NRXN1: variants seen among roughly 807,000 people sequenced by gnomAD.
NRXN1 encodes neurexin-1.
A neutral mutation model predicts 150.9 loss-of-function variants in NRXN1; 39 were observed. That is an observed-to-expected ratio of 0.26 (90% CI 0.20 to 0.34). The LOEUF (loss-of-function observed/expected upper bound fraction) is 0.34, where lower values mean the gene tolerates loss of function less well. Ranked by LOEUF, NRXN1 falls within the 10% of genes least tolerant of loss-of-function variation. The probability of loss-of-function intolerance (pLI) is 1.00; values close to 1 mark genes in which losing one functional copy is unlikely to be tolerated. For synonymous variants in NRXN1, 924 were observed against 757.0 expected (o/e 1.22, Z -3.62); for missense variants, 1,815 against 1,949.9 (o/e 0.93, Z 1.30).
intron 5 of NRXN1, among the ~76,000 whole-genome samples, chr2:50,783,088 A>C (rs2105530551): frequency 6.6e-6 from 1 of 152,272 alleles, no homozygotes; most frequent in East Asian, 1.9e-4. Context: ...AATTTTGGAA[A>C]AGTTATGTAA....
intron 5 of NRXN1, among the ~76,000 whole-genome samples, chr2:50,660,656 T>G (rs1489696755): frequency 6.6e-6 from 1 of 152,066 alleles, no homozygotes; most frequent in Non-Finnish European, 1.5e-5. Flanking sequence ...CAAGACCGAC[T>G]GCTGGTTTAC....
At chr2:49,988,449 A>G (rs1681321317) in intron 21 of NRXN1, among the ~76,000 whole-genome samples, 1 of 152,130 alleles carries the variant, frequency 6.6e-6, no homozygotes, top group South Asian at 2.1e-4. Context: ...CATGAGTCAT[A>G]GGACAGCAGA....
chr2:49,954,595 GAGAA>G (rs1395208812), intron 21 of NRXN1, among the ~76,000 whole-genome samples: 1 of 152,154 alleles, frequency 6.6e-6, no homozygotes, highest in Non-Finnish European at 1.5e-5. Flanking sequence ...GAGAGGGAGA[GAGAA>G]AGACTGAATC....
chr2:50,140,908 A>G lies in NRXN1; in HGVS notation c.3547-49414T>C, dbSNP rs549211994. ...TATATATGTGTTCGTGTGTGTGTGT[A>G]TATATATATATAAAACAACTACAAA... On this transcript the variant is annotated intron_variant, in intron 18 of 22. Coordinates refer to ENST00000401669, the MANE Select transcript of NRXN1 (RefSeq NM_001330078.2). Among the ~76,000 whole-genome samples, 197 of 151,226 alleles carry G rather than the reference A, an allele frequency of 1.3e-3. 1 individual carries two copies. Among genetic ancestry groups the G allele is most frequent in the African/African-American group, 4.2e-3 (174 of 41,304 alleles).
At chr2:50,516,047 T>C in intron 12 of NRXN1, among the ~76,000 whole-genome samples, 1 of 152,218 alleles carries the variant, frequency 6.6e-6, no homozygotes, top group East Asian at 1.9e-4. Flanking sequence ...TTCTCAATTT[T>C]TAGGTATTGA....
intron 17 of NRXN1, among the ~76,000 whole-genome samples, chr2:50,349,267 G>A (rs752004936): frequency 6.6e-6 from 1 of 152,168 alleles, no homozygotes; most frequent in Non-Finnish European, 1.5e-5. Flanking sequence ...ACCTTCCACA[G>A]CTGCTCGAAG....
intron 5 of NRXN1, among the ~76,000 whole-genome samples, chr2:50,801,364 G>A (rs1301518441): frequency 2.0e-5 from 3 of 152,074 alleles, no homozygotes; most frequent in African/African-American, 7.2e-5. Context: ...ATGTCAATCT[G>A]CAATATGTAT....
chr2:50,074,763 C>T (rs546831630), intron 19 of NRXN1, among the ~76,000 whole-genome samples: 31 of 152,190 alleles, frequency 2.0e-4, no homozygotes, highest in Non-Finnish European at 4.3e-4. Context: ...TATAAAACTA[C>T]TCTTGTTCAT....
Position 50,266,556 on chromosome 2 carries a change from CACACACACACACACACAT to C in NRXN1, c.3365-29604_3365-29587del, listed in dbSNP as rs879594530. On this transcript the variant is annotated intron_variant, in intron 17 of 22. Transcript: ENST00000401669. ...ATAAATACACACACACACACACACA[CACACACACACACACACAT>C]ATTTTCTTTCTAGAAGAACTAAGGT... Among the ~76,000 whole-genome samples, 24 of 52,496 alleles carry C rather than the reference CACACACACACACACACAT, an allele frequency of 4.6e-4. 1 individual carries two copies. Among genetic ancestry groups the C allele is most frequent in the South Asian group, 1.0e-3 (2 of 1,970 alleles). 34.4% of individuals were successfully genotyped at this position (52,496 alleles called of 152,430 possible).
At chr2:50,271,053 T>C (rs748595687) in intron 17 of NRXN1, among the ~76,000 whole-genome samples, 1 of 152,150 alleles carries the variant, frequency 6.6e-6, no homozygotes, top group Non-Finnish European at 1.5e-5. Context: ...ATAGTTACAA[T>C]GATATAACAT....
chr2:49,949,814 C>G (rs759474468), intron 21 of NRXN1, among the ~76,000 whole-genome samples: 9 of 151,662 alleles, frequency 5.9e-5, no homozygotes, highest in Non-Finnish European at 1.2e-4. Context: ...GTTAGTGGGT[C>G]GAGGACAGTG....
At chr2:50,651,879 C>T (rs149259490) in intron 5 of NRXN1, among the ~76,000 whole-genome samples, 170 of 152,044 alleles carry the variant, frequency 1.1e-3, no homozygotes, top group African/African-American at 4.0e-3. Flanking sequence ...CCCAGAGTTG[C>T]ACTGAAAAAA....
At chr2:50,688,443 C>G (rs544935992) in intron 5 of NRXN1, among the ~76,000 whole-genome samples, 7 of 152,132 alleles carry the variant, frequency 4.6e-5, no homozygotes, top group Non-Finnish European at 7.3e-5. Flanking sequence ...TTTATGTCCT[C>G]TCTCAGTGCT....
chr2:50,973,435 C>G (rs1695331635), intron 2 of NRXN1, among the ~76,000 whole-genome samples: 1 of 152,104 alleles, frequency 6.6e-6, no homozygotes, highest in African/African-American at 2.4e-5. Context: ...AAAGATATCT[C>G]AGATTAATCC....
intron 2 of NRXN1, among the ~76,000 whole-genome samples, chr2:50,982,356 A>G (rs1396259804): frequency 6.6e-6 from 1 of 152,144 alleles, no homozygotes; most frequent in East Asian, 1.9e-4. Context: ...TTAAAGAATC[A>G]AGTCAGGCAT....
chr2:50,190,890 G>A (rs529478000), intron 18 of NRXN1, among the ~76,000 whole-genome samples: 1 of 151,650 alleles, frequency 6.6e-6, no homozygotes, highest in Non-Finnish European at 1.5e-5. Flanking sequence ...TGGGATTACA[G>A]GCATGAGCCA....
rs529421911 is a variant in NRXN1, at chr2:50,504,690, G to A, written c.2497+1805C>T. Among the ~76,000 whole-genome samples the A allele has an allele frequency of 4.6e-5, 7 of 152,036 alleles. No individual in the cohort carries two copies. The East Asian group carries it at 1.4e-3, about 29-fold the overall frequency. ...AAAACACTGCCACAGAATTAATTTC[G>A]CTCAAAACATATTTTCTCCACTTAC... is the stretch of plus-strand genomic sequence containing the variant. On this transcript the variant is annotated intron_variant, in intron 13 of 22. Transcript: ENST00000401669.
chr2:50,200,947 T>A (rs965906300), intron 18 of NRXN1, among the ~76,000 whole-genome samples: 2 of 152,162 alleles, frequency 1.3e-5, no homozygotes, highest in African/African-American at 4.8e-5. Context: ...AGTGAAGCTA[T>A]AAATCGACTT....
chr2:50,789,649 T>C (rs1407167734), intron 5 of NRXN1, among the ~76,000 whole-genome samples: 3 of 152,142 alleles, frequency 2.0e-5, no homozygotes, highest in Non-Finnish European at 4.4e-5. Context: ...ACGACTCAGA[T>C]AAGCTATAGA....
Sources: gnomAD v4.1 joint callset for allele counts (sites outside exome capture counted in the v4.1 genomes callset) on GRCh38, gnomAD v4.1.1 for gene constraint, MANE v1.5 for transcripts, NCBI Gene and HGNC (gene_info 2026-07-23, HGNC 2026-07-21) for gene names.